Variants in FRY observed in about 807,000 individuals in gnomAD.
FRY encodes the protein FRY microtubule binding protein.
FRY carries 128 observed loss-of-function variants against 348.4 expected under a neutral mutation model. The observed-to-expected ratio is 0.37, with a 90% CI of 0.32 to 0.43. FRY has a LOEUF of 0.43. Among genes scored for constraint, FRY ranks in the 20% least tolerant of loss-of-function variants. The probability of loss-of-function intolerance (pLI) is 1.00; values close to 1 mark genes in which losing one functional copy is unlikely to be tolerated. For missense variants in FRY, 2,736 were observed against 3,695.2 expected (o/e 0.74, Z 6.73); for synonymous variants, 1,370 against 1,374.7 (o/e 1.00, Z 0.08).
intron 8 of FRY, among the ~76,000 whole-genome samples, chr13:32,133,768 C>CTTTTTTTTTT (rs34413710): frequency 2.1e-3 from 185 of 89,302 alleles, no homozygotes; most frequent in Non-Finnish European, 2.5e-3. Flanking sequence ...TTCTTTCTTT[C>CTTTTTTTTTT]TTTTTTTTTT....
Position 32,178,219 on chromosome 13 carries a change from G to A in FRY, c.2464G>A (p.Val822Met), listed in dbSNP as rs1306429520. 1.2e-6 allele frequency: 2 copies of A among 1,614,200 alleles called. No individual in the cohort carries two copies. Among genetic ancestry groups the A allele is most frequent in the South Asian group, 2.2e-5 (2 of 91,086 alleles). ...LTHNVDLQWLVEWNAVLVNSH... is the reference protein window; with the variant it reads ...LTHNVDLQWLMEWNAVLVNSH... Reference sequence around the variant, plus strand: ...CCACAATGTGGATCTGCAGTGGTTGGTGGAATGGAACGCAGTCCTGGTCAA... The same window carrying A: ...CCACAATGTGGATCTGCAGTGGTTGATGGAATGGAACGCAGTCCTGGTCAA... Residue 822 changes from valine to methionine, a missense_variant, in exon 21 of 61, where the codon GTG becomes ATG. Val to Met is a conservative substitution (Grantham distance 21, BLOSUM62 1). Around this residue, in one of 9 missense-constraint regions of FRY, gnomAD observed 449 missense variants for 576.9 expected, o/e 0.78. Transcript: ENST00000542859.
chr13:32,062,569 G>A (rs1404475290), intron 1 of FRY, among the ~76,000 whole-genome samples: 1 of 152,134 alleles, frequency 6.6e-6, no homozygotes, highest in African/African-American at 2.4e-5. Context: ...TGGTGAGCAT[G>A]TATTAAGTGA....
intron 19 of FRY, among the ~76,000 whole-genome samples, chr13:32,174,090 T>C (rs1882245372): frequency 6.6e-6 from 1 of 152,228 alleles, no homozygotes; most frequent in Non-Finnish European, 1.5e-5. Flanking sequence ...ATACACCTTG[T>C]TCAGAGAAAA....
intron 22 of FRY, 31 bp downstream of exon 22, chr13:32,179,064 T>C: frequency 6.4e-7 from 1 of 1,574,160 alleles, no homozygotes. Flanking sequence ...AGAATTATTC[T>C]GTAAGGTTTT....
At chr13:32,197,085 C>T (rs1883719314) in intron 29 of FRY, among the ~76,000 whole-genome samples, 1 of 152,134 alleles carries the variant, frequency 6.6e-6, no homozygotes, top group South Asian at 2.1e-4. Flanking sequence ...TTAAGAATTT[C>T]ATTATTTTTA....
chr13:32,224,820 C>T, intron 37 of FRY, 113 bp from the exon 38 acceptor site: 1 of 742,158 alleles, frequency 1.3e-6, no homozygotes. Flanking sequence ...GAATAAGAGC[C>T]TTATATAATG....
intron 4 of FRY, among the ~76,000 whole-genome samples, chr13:32,121,330 C>T (rs1160071075): frequency 1.3e-5 from 2 of 152,182 alleles, no homozygotes; most frequent in Admixed American, 6.5e-5. Flanking sequence ...ACTTTTAGTT[C>T]TTTATGGAAT....
intron 16 of FRY, 45 bp downstream of exon 16, chr13:32,157,450 A>C: frequency 6.4e-7 from 1 of 1,560,596 alleles, no homozygotes; most frequent in Non-Finnish European, 8.8e-7. Context: ...ATTAACCAGA[A>C]AACACAAGTA....
chr13:32,267,632 A>G (rs1887986217), intron 55 of FRY, among the ~76,000 whole-genome samples: 1 of 152,152 alleles, frequency 6.6e-6, no homozygotes, highest in Non-Finnish European at 1.5e-5. Flanking sequence ...CTCAGCAGCC[A>G]TGACATCAGG....
intron 17 of FRY, among the ~76,000 whole-genome samples, chr13:32,164,732 G>T (rs1430522199): frequency 6.6e-6 from 1 of 152,148 alleles, no homozygotes; most frequent in African/African-American, 2.4e-5. Flanking sequence ...GCAGAGCCTG[G>T]CCTGCTCAGC....
chr13:32,293,725 C>A (rs1038686322), intron 59 of FRY, among the ~76,000 whole-genome samples: 1 of 152,134 alleles, frequency 6.6e-6, no homozygotes. Flanking sequence ...ACTGCTGTAG[C>A]ATTAATACAA....
At chr13:32,186,068 A>G (rs1883008441) in intron 26 of FRY, among the ~76,000 whole-genome samples, 192 bp from the exon 27 acceptor site, 1 of 152,222 alleles carries the variant, frequency 6.6e-6, no homozygotes, top group African/African-American at 2.4e-5. Context: ...GCTGGCTGCA[A>G]CGTGAGGACA....
chr13:32,124,385 T>C lies in FRY; in HGVS notation c.555+9T>C. Reference sequence around the variant, plus strand: ...TAGAAGTTTTGAAACAGGTAGGTGATTAATTTATTGTTACTTTTAGATAAT... The same window carrying C: ...TAGAAGTTTTGAAACAGGTAGGTGACTAATTTATTGTTACTTTTAGATAAT... On this transcript the variant is annotated intron_variant, in intron 5 of 60. Transcript: ENST00000542859. 11 of 1,363,598 alleles carry C rather than the reference T, an allele frequency of 8.1e-6. No homozygotes were observed. Among genetic ancestry groups the C allele is most frequent in the Non-Finnish European group, 1.0e-5 (10 of 954,414 alleles). 84.5% of individuals were successfully genotyped at this position (1,363,598 alleles called of 1,614,324 possible). A position where few individuals can be genotyped will look rare whatever the true frequency, so the allele number is the denominator to read the frequency against.
chr13:32,193,644 G>A (rs1212691308), intron 28 of FRY, among the ~76,000 whole-genome samples: 1 of 145,200 alleles, frequency 6.9e-6, no homozygotes, highest in African/African-American at 2.6e-5. Context: ...GGAGTGCAAT[G>A]GCACGATCTC....
At chr13:32,046,438 C>T (rs1873020002) in intron 1 of FRY, among the ~76,000 whole-genome samples, 1 of 152,218 alleles carries the variant, frequency 6.6e-6, no homozygotes, top group Admixed American at 6.5e-5. Flanking sequence ...GTTATGTGAG[C>T]TCAGAAGTTG....
At position 32,149,723 on chromosome 13, in the gene FRY, T is replaced by C. The variant is rs565253893; in HGVS notation, c.1393-25T>C. 233 of 1,350,214 alleles carry C rather than the reference T, an allele frequency of 1.7e-4. No homozygotes were observed. In the East Asian group the frequency reaches 5.3e-3, roughly 31 times the overall value. The allele number at this position is 1,350,214 out of a possible 1,614,324, so 83.6% of individuals were successfully genotyped here. A position where few individuals can be genotyped will look rare whatever the true frequency, so the allele number is the denominator to read the frequency against. On this transcript the variant is annotated intron_variant, in intron 13 of 60. Coordinates refer to ENST00000542859, the MANE Select transcript of FRY (RefSeq NM_023037.3). ...TTGAGTTTATATTTTAACACTTTCA[T>C]TTTGTGTTCTTGTTTTTACTACAGG...
chr13:32,212,304 G>A lies in FRY; in HGVS notation c.4604G>A (p.Ser1535Asn). The stretch of plus-strand genomic sequence containing the variant: ...TTCCCATCTACAGGAACCACCTCTA[G>A]CAGCAATACAGTGGTTGCTGGCCAG... The part of the protein sequence containing the change: ...ASAAASGTTS[S>N]SNTVVAGQEN... Residue 1535 changes from serine to asparagine, a missense_variant, in exon 35 of 61, where the codon AGC becomes AAC. Transcript: ENST00000542859. 1 of 1,604,108 alleles carries A rather than the reference G, an allele frequency of 6.2e-7. No individual in the cohort carries two copies. The highest frequency in any genetic ancestry group is 2.2e-5 in the East Asian group (1 of 44,722).
intron 1 of FRY, among the ~76,000 whole-genome samples, chr13:32,057,499 T>C (rs1391895616): frequency 1.3e-5 from 2 of 152,152 alleles, no homozygotes; most frequent in African/African-American, 4.8e-5. Context: ...TGAGAGTAGT[T>C]GTATGATCTA....
chr13:32,093,193 C>T (rs1400259926), intron 2 of FRY, among the ~76,000 whole-genome samples: 2 of 152,160 alleles, frequency 1.3e-5, no homozygotes, highest in South Asian at 4.1e-4. Context: ...AAAAATTCTT[C>T]TCTAAACAAA....
Sources: allele counts gnomAD v4.1 joint callset (sites outside exome capture counted in the v4.1 genomes callset), GRCh38; gene constraint gnomAD v4.1.1; regional missense constraint gnomAD v4.1.1; transcripts MANE v1.5; gene names NCBI Gene and HGNC (gene_info 2026-07-23, HGNC 2026-07-21).